The following STK38L variants were observed in gnomAD, a reference collection of about 807,000 sequenced individuals.
STK38L encodes serine/threonine kinase 38 like.
A neutral mutation model predicts 59.7 loss-of-function variants in STK38L; 28 were observed. The ratio of observed to expected loss-of-function variants is 0.47; its 90% CI spans 0.35 to 0.64. The LOEUF is 0.64. STK38L is among the 30% of genes least tolerant of loss of function. The probability of loss-of-function intolerance (pLI) is 0.01; values close to 1 mark genes in which losing one functional copy is unlikely to be tolerated. For missense variants in STK38L, 314 were observed against 555.8 expected, an observed-to-expected ratio of 0.56 and a Z score of 4.37; for synonymous variants, 162 against 176.8, an observed-to-expected ratio of 0.92 and a Z score of 0.66.
In STK38L at chr12:27,287,192, G is replaced by A. The variant is rs1341255158; in HGVS notation, c.-11-10518G>A. The stretch of plus-strand genomic sequence containing the variant: ...GACATCTTGGCTCACTGCAACCTCC[G>A]CCTCCCAGGCTCAAGTGATTCTCCT... On this transcript the variant is annotated intron_variant, in intron 1 of 13. Coordinates refer to ENST00000389032, the MANE Select transcript of STK38L (RefSeq NM_015000.4). Among the ~76,000 whole-genome samples the A allele has an allele frequency of 3.3e-5, 5 of 149,646 alleles. No homozygotes were observed. The East Asian group carries it at 7.9e-4, about 24-fold the overall frequency.
chr12:27,271,855 G>A (rs577485539), intron 1 of STK38L, among the ~76,000 whole-genome samples: 75 of 152,022 alleles, frequency 4.9e-4, no homozygotes, highest in African/African-American at 1.8e-3. Flanking sequence ...GCACACCACC[G>A]TGCCTGGCTA....
At chr12:27,307,277 CAT>C in intron 3 of STK38L, among the ~76,000 whole-genome samples, 2 of 152,282 alleles carry the variant, frequency 1.3e-5, no homozygotes, top group Admixed American at 1.3e-4. Context: ...TGTTTGAAGA[CAT>C]TTCTTGATTT....
rs1944823033 is a variant in STK38L at position 27,325,716 on chromosome 12, C to T, written c.*3261C>T. ...TATAAATATGAGACACTTGGGACTA[C>T]TAGAGATATTTTAGATTTTTATGAA... On this transcript the variant is annotated 3_prime_UTR_variant, in exon 14 of 14. Coordinates refer to ENST00000389032, the MANE Select transcript of STK38L (RefSeq NM_015000.4). 6.6e-6 allele frequency: 1 copy of T among 151,910 alleles called. No homozygotes were observed. The highest frequency in any genetic ancestry group is 2.4e-5 in the African/African-American group (1 of 41,332). The allele number at this position is 151,910 out of a possible 1,614,324, so 9.4% of individuals were successfully genotyped here. A position where few individuals can be genotyped will look rare whatever the true frequency, so the allele number is the denominator to read the frequency against.
intron 1 of STK38L, among the ~76,000 whole-genome samples, chr12:27,295,205 T>A (rs1943986634): frequency 6.6e-6 from 1 of 152,254 alleles, no homozygotes; most frequent in African/African-American, 2.4e-5. Flanking sequence ...TTAAAGCATT[T>A]AGCACAATAC....
intron 1 of STK38L, among the ~76,000 whole-genome samples, chr12:27,265,579 T>C (rs563469535): frequency 9.2e-5 from 14 of 152,156 alleles, no homozygotes; most frequent in African/African-American, 3.4e-4. Flanking sequence ...GAAGGTTACC[T>C]GGACATAGTA....
chr12:27,260,580 G>A (rs1358394629), intron 1 of STK38L, among the ~76,000 whole-genome samples: 2 of 152,076 alleles, frequency 1.3e-5, no homozygotes, highest in African/African-American at 4.8e-5. Flanking sequence ...ACTCCTTGCT[G>A]TTTCTTACTG....
At chr12:27,277,429 G>C (rs1231615217) in intron 1 of STK38L, among the ~76,000 whole-genome samples, 1 of 151,194 alleles carries the variant, frequency 6.6e-6, no homozygotes, top group Non-Finnish European at 1.5e-5. Flanking sequence ...CACAGCAGTA[G>C]GAGGACTCGA....
chr12:27,305,208 A>T (rs1339469187), intron 3 of STK38L, among the ~76,000 whole-genome samples: 1 of 152,238 alleles, frequency 6.6e-6, no homozygotes, highest in Non-Finnish European at 1.5e-5. Context: ...CTTTTGAAAA[A>T]CAACTTGCAG....
intron 1 of STK38L, among the ~76,000 whole-genome samples, chr12:27,269,803 C>T (rs1419496825): frequency 3.9e-5 from 6 of 152,058 alleles, no homozygotes; most frequent in Non-Finnish European, 7.4e-5. Context: ...CCACCATGCC[C>T]GGCTGATTTT....
At chr12:27,282,792 A>G (rs939335509) in intron 1 of STK38L, among the ~76,000 whole-genome samples, 2 of 152,240 alleles carry the variant, frequency 1.3e-5, no homozygotes. Context: ...TACCCCCTAA[A>G]AATGGAAGCC....
intron 1 of STK38L, among the ~76,000 whole-genome samples, chr12:27,275,619 A>C (rs1163585474): frequency 6.6e-6 from 1 of 152,168 alleles, no homozygotes; most frequent in Non-Finnish European, 1.5e-5. Context: ...GATTACAGGC[A>C]TGAGCCACCA....
intron 10 of STK38L, 43 bp downstream of exon 10, chr12:27,317,496 C>G (rs749251279): frequency 2.1e-6 from 3 of 1,422,798 alleles, no homozygotes; most frequent in Non-Finnish European, 2.9e-6. Flanking sequence ...TATACATTTC[C>G]TTGAGTGCCA....
chr12:27,258,882 C>G (rs190564578), intron 1 of STK38L, among the ~76,000 whole-genome samples: 1 of 152,104 alleles, frequency 6.6e-6, no homozygotes, highest in Non-Finnish European at 1.5e-5. Flanking sequence ...ATTGCCTAAG[C>G]CCAGTGAATA....
intron 3 of STK38L, among the ~76,000 whole-genome samples, chr12:27,302,865 T>G (rs1284194301): frequency 6.6e-6 from 1 of 151,266 alleles, no homozygotes; most frequent in Non-Finnish European, 1.5e-5. Flanking sequence ...AAAAAAAAAT[T>G]AGCCAGGAGC....
chr12:27,277,170 G>T (rs1314078555), intron 1 of STK38L, among the ~76,000 whole-genome samples: 2 of 152,096 alleles, frequency 1.3e-5, no homozygotes, highest in African/African-American at 2.4e-5. Context: ...ATAGAGTCCT[G>T]AGGCATGTGT....
chr12:27,276,848 CTTT>C (rs1943548083), intron 1 of STK38L, among the ~76,000 whole-genome samples: 1 of 152,138 alleles, frequency 6.6e-6, no homozygotes, highest in African/African-American at 2.4e-5. Flanking sequence ...CTCAGATTTT[CTTT>C]AAGTGACAGA....
rs1390210241 is a variant in STK38L at position 27,322,336 on chromosome 12, A to G, written c.1276A>G (p.Thr426Ala). The change falls in exon 14 of 14, where the codon ACC becomes GCC. Residue 426 changes from threonine to alanine, a missense_variant. Around this residue, in one of 3 missense-constraint regions of STK38L, gnomAD observed 94 missense variants for 142.2 expected, o/e 0.66. Transcript: ENST00000389032. The stretch of plus-strand genomic sequence containing the variant: ...ATTTTTTCTCTTTCTAGTGCCAAAT[A>G]CCACAGAACCGGACTACAAATCCAA... Reference protein sequence around the residue: ...ESDILQPVPNTTEPDYKSKDW... With the variant: ...ESDILQPVPNATEPDYKSKDW... 1.2e-6 allele frequency: 2 copies of G among 1,613,730 alleles called. No individual in the cohort carries two copies. Among genetic ancestry groups the G allele is most frequent in the Non-Finnish European group, 8.5e-7 (1 of 1,179,896 alleles).
chr12:27,248,288 A>T (rs1168084410), intron 1 of STK38L, among the ~76,000 whole-genome samples: 1 of 152,220 alleles, frequency 6.6e-6, no homozygotes, highest in East Asian at 1.9e-4. Context: ...TGTAAAAATG[A>T]GAGAAGTTCC....
At chr12:27,301,396 C>T (rs1944167193) in intron 2 of STK38L, among the ~76,000 whole-genome samples, 1 of 152,264 alleles carries the variant, frequency 6.6e-6, no homozygotes, top group East Asian at 1.9e-4. Context: ...GTAACTGGGA[C>T]TACAGGCGCC....
Sources: allele counts gnomAD v4.1 joint callset (sites outside exome capture counted in the v4.1 genomes callset), GRCh38; gene constraint gnomAD v4.1.1; regional missense constraint gnomAD v4.1.1; transcripts MANE v1.5; gene names NCBI Gene and HGNC (gene_info 2026-07-23, HGNC 2026-07-21).